OTUD4: variants seen among roughly 807,000 people sequenced by gnomAD.
OTUD4 encodes OTU deubiquitinase 4.
In OTUD4, 24 loss-of-function variants were observed where a neutral mutation model predicts 130.4. That is an observed-to-expected ratio of 0.18 (90% CI 0.13 to 0.26). The LOEUF is 0.26. OTUD4 is among the 10% of genes least tolerant of loss of function. OTUD4 has a pLI of 1.00. For synonymous variants in OTUD4, 420 were observed against 472.5 expected (o/e 0.89, Z 1.44); for missense variants, 1,031 against 1,329.4 (o/e 0.78, Z 3.49).
In OTUD4 at chr4:145,136,463, CGGGGGG is replaced by C. The variant is rs769298389; in HGVS notation, c.*961_*966del. On this transcript the variant is annotated 3_prime_UTR_variant, in exon 21 of 21. Transcript: ENST00000447906. ...TGAAAGTGATACACAACCAATGGTG[CGGGGGG>C]GGGGGGGAGGAAGAAAACAACTCTA... 5 of 4,286 alleles carry C rather than the reference CGGGGGG, an allele frequency of 1.2e-3. 2 individuals carry two copies. The highest frequency in any genetic ancestry group is 2.8e-3 in the Non-Finnish European group (3 of 1,080). The allele number at this position is 4,286 out of a possible 1,614,324, so 0.3% of individuals were successfully genotyped here. A position where few individuals can be genotyped will look rare whatever the true frequency, so the allele number is the denominator to read the frequency against.
chr4:145,141,358 G>C (rs781315023), intron 19 of OTUD4, 21 bp downstream of exon 19: 1 of 1,557,336 alleles, frequency 6.4e-7, no homozygotes, highest in South Asian at 1.2e-5. Context: ...AAGTCGATTT[G>C]AACTTGGAGA....
At chr4:145,165,990 C>G (rs542901553) in intron 3 of OTUD4, among the ~76,000 whole-genome samples, 219 of 151,938 alleles carry the variant, frequency 1.4e-3, no homozygotes, top group Non-Finnish European at 2.6e-3. Context: ...GGAGAAACCC[C>G]CTCTCTACTA....
intron 13 of OTUD4, among the ~76,000 whole-genome samples, chr4:145,148,693 C>T (rs1447758031): frequency 6.6e-6 from 1 of 152,042 alleles, no homozygotes; most frequent in African/African-American, 2.4e-5. Context: ...CTTTAAATCA[C>T]TAAAGAGTAC....
At chr4:145,160,488 T>G (rs1751502718) in intron 6 of OTUD4, among the ~76,000 whole-genome samples, 1 of 152,186 alleles carries the variant, frequency 6.6e-6, no homozygotes. Context: ...TTTATAACAA[T>G]GAGCTTTAAG....
chr4:145,151,704 C>G (rs1751077165), intron 11 of OTUD4, among the ~76,000 whole-genome samples: 1 of 152,084 alleles, frequency 6.6e-6, no homozygotes. Flanking sequence ...TATTGGGATT[C>G]AAAAATTGTG....
chr4:145,139,315 T>C (rs2126736568), intron 20 of OTUD4, among the ~76,000 whole-genome samples: 1 of 152,258 alleles, frequency 6.6e-6, no homozygotes, highest in South Asian at 2.1e-4. Flanking sequence ...AGGCTAAAGG[T>C]AGGGCACTTC....
intron 15 of OTUD4, 54 bp downstream of exon 15, chr4:145,144,257 C>G: frequency 1.9e-6 from 3 of 1,560,458 alleles, no homozygotes; most frequent in Non-Finnish European, 1.7e-6. Context: ...TGACATTAAG[C>G]CAGTCATCTA....
chr4:145,146,398 CA>C lies in OTUD4; in HGVS notation c.1290del (p.Phe430LeufsTer24). The C allele has an allele frequency of 1.3e-6, 2 of 1,571,296 alleles. No homozygotes were observed. Among genetic ancestry groups the C allele is most frequent in the Admixed American group, 1.9e-5 (1 of 52,964 alleles). ...RKPDRERVED[F>X]DHTSRESNYF... ...TAGTTAGATTCTCGACTTGTGTGAT[CA>C]AAATCCTCAACTCTTTCACGATCAG... is the stretch of plus-strand genomic sequence containing the variant. On this transcript the variant is annotated frameshift_variant, in exon 14 of 21. Coordinates refer to ENST00000447906, the MANE Select transcript of OTUD4 (RefSeq NM_001366057.1). LOFTEE classifies it high-confidence loss of function.
At chr4:145,155,849 C>A in intron 8 of OTUD4, 87 bp downstream of exon 8, 2 of 1,168,852 alleles carry the variant, frequency 1.7e-6, no homozygotes, top group Non-Finnish European at 1.2e-6. Flanking sequence ...CTGAAATGTA[C>A]CAGAAAAAAG....
chr4:145,145,306 C>T (rs928193732), intron 14 of OTUD4, among the ~76,000 whole-genome samples: 2 of 152,032 alleles, frequency 1.3e-5, no homozygotes, highest in South Asian at 2.1e-4. Context: ...TATTTATGTA[C>T]GGATTTGGGC....
chr4:145,150,942 C>A (rs1299698993), intron 11 of OTUD4, 37 bp from the exon 12 acceptor site: 5 of 1,299,894 alleles, frequency 3.8e-6, no homozygotes, highest in Non-Finnish European at 4.4e-6. Context: ...GCTTAAAATA[C>A]CCTAGTAAGA....
intron 6 of OTUD4, among the ~76,000 whole-genome samples, chr4:145,160,064 G>A (rs1751482998): frequency 6.6e-6 from 1 of 152,102 alleles, no homozygotes; most frequent in Non-Finnish European, 1.5e-5. Flanking sequence ...TGAGACTTAG[G>A]GATGTCATAC....
At position 145,138,212 on chromosome 4, in the gene OTUD4, G is replaced by A; in HGVS notation, c.2563C>T (p.Pro855Ser). Residue 855 changes from proline (P) to serine (S), a missense_variant, in exon 21 of 21, where the codon CCT becomes TCT. Pro to Ser is a moderately conservative substitution (Grantham distance 74). Around this residue, in one of 3 missense-constraint regions of OTUD4, gnomAD observed 900 missense variants for 1,095.9 expected, o/e 0.82. Transcript: ENST00000447906. ...NPFLGPVPIA[P>S]PFFPHVWYGY... ...TACCAAACATGAGGAAAGAAAGGAG[G>A]TGCAATAGGAACTGGGCCTAAGAAT... is the stretch of plus-strand genomic sequence containing the variant. The A allele has an allele frequency of 6.2e-7, 1 of 1,613,936 alleles. No homozygotes were observed. Among genetic ancestry groups the A allele is most frequent in the Non-Finnish European group, 8.5e-7 (1 of 1,179,850 alleles).
Position 145,164,184 on chromosome 4 carries a change from T to C in OTUD4, c.384A>G (p.Ser128=). ...IIYREPNVSP[S]QVTENNFPEK... ...CAGGAAAATTATTTTCTGTTACTTG[T>C]GAAGGAGAAACATTTGGTTCCCGAT... Residue 128 remains serine, a synonymous_variant, in exon 5 of 21, where the codon TCA becomes TCG. Transcript: ENST00000447906. 1 of 1,446,346 alleles carries C rather than the reference T, an allele frequency of 6.9e-7. No homozygotes were observed. Among genetic ancestry groups the C allele is most frequent in the South Asian group, 1.2e-5 (1 of 80,812 alleles). 89.6% of individuals were successfully genotyped at this position (1,446,346 alleles called of 1,614,324 possible).
intron 5 of OTUD4, 38 bp downstream of exon 5, chr4:145,164,116 T>C: frequency 1.1e-6 from 1 of 942,738 alleles, no homozygotes; most frequent in East Asian, 2.6e-5. Context: ...AGCGGTTCTT[T>C]TACTTAAATA....
At chr4:145,151,495 C>T (rs996423289) in intron 11 of OTUD4, among the ~76,000 whole-genome samples, 11 of 151,932 alleles carry the variant, frequency 7.2e-5, no homozygotes, top group African/African-American at 2.7e-4. Context: ...ATTAGCCGGG[C>T]GTAGTGACAC....
intron 8 of OTUD4, 67 bp from the exon 9 acceptor site, chr4:145,155,753 G>T (rs575509023): frequency 5.3e-6 from 6 of 1,141,940 alleles, no homozygotes; most frequent in Non-Finnish European, 7.6e-6. Flanking sequence ...TGAGATACAC[G>T]TAAAACTAAA....
At chr4:145,144,628 G>A (rs908081618) in intron 14 of OTUD4, among the ~76,000 whole-genome samples, 194 bp from the exon 15 acceptor site, 7 of 152,060 alleles carry the variant, frequency 4.6e-5, no homozygotes, top group Non-Finnish European at 7.4e-5. Flanking sequence ...TAGTCTTATC[G>A]CTAAGTTGAA....
chr4:145,151,475 A>C (rs901824718), intron 11 of OTUD4, among the ~76,000 whole-genome samples: 4 of 152,096 alleles, frequency 2.6e-5, no homozygotes, highest in Admixed American at 2.6e-4. Flanking sequence ...CTCTACTAAA[A>C]ACAGAAAAAA....
Sources: allele counts gnomAD v4.1 joint callset (sites outside exome capture counted in the v4.1 genomes callset), GRCh38; gene constraint gnomAD v4.1.1; regional missense constraint gnomAD v4.1.1; transcripts MANE v1.5; gene names NCBI Gene and HGNC (gene_info 2026-07-23, HGNC 2026-07-21).